Variants in NRG3 observed in about 807,000 individuals in gnomAD.
The protein encoded by NRG3 is neuregulin 3, also known as pro-neuregulin-3, membrane-bound isoform.
NRG3 carries 31 observed loss-of-function variants against 66.9 expected under a neutral mutation model. That is an observed-to-expected ratio of 0.46 (90% CI 0.35 to 0.63). NRG3 has a LOEUF of 0.63. NRG3 is among the 20% of genes least tolerant of loss of function. The probability of loss-of-function intolerance (pLI) is 0.00; values close to 1 mark genes in which losing one functional copy is unlikely to be tolerated. For synonymous variants in NRG3, 393 were observed against 359.4 expected, an observed-to-expected ratio of 1.09 and a Z score of -1.06; for missense variants, 910 against 878.9, an observed-to-expected ratio of 1.04 and a Z score of -0.45.
At chr10:82,838,672 G>A (rs984222436) in intron 3 of NRG3, among the ~76,000 whole-genome samples, 3 of 146,770 alleles carry the variant, frequency 2.0e-5, no homozygotes, top group Non-Finnish European at 4.5e-5. Context: ...TTATGAATAT[G>A]ACTTCATTAA....
chr10:82,730,130 G>A (rs1591338870), intron 2 of NRG3, among the ~76,000 whole-genome samples: 1 of 143,328 alleles, frequency 7.0e-6, no homozygotes, highest in African/African-American at 2.6e-5. Flanking sequence ...CTGTCACCCA[G>A]GCTGGAGCGC....
chr10:82,453,117 G>T lies in NRG3; in HGVS notation c.953+94249G>T, dbSNP rs182757060. 5.0e-4 allele frequency among the ~76,000 whole-genome samples: 76 copies of T among 152,160 alleles called. 1 individual carries two copies. Among genetic ancestry groups the T allele is most frequent in the Non-Finnish European group, 8.2e-4 (56 of 67,988 alleles). ...TGTTTTCTTATATTTTAAATGAAGA[G>T]AACTTAACTACCTTACAGATTATTA... On this transcript the variant is annotated intron_variant, in intron 2 of 8. Coordinates refer to ENST00000372141, the MANE Select transcript of NRG3 (RefSeq NM_001010848.4).
rs143355044 is a variant in NRG3, at chr10:82,810,656, G to A, written c.1028-54755G>A. On this transcript the variant is annotated intron_variant, in intron 3 of 8. Transcript: ENST00000372141. ...TGGGTGCCTGTAATCCCAGCAACTC[G>A]GGAGGCGGAGGCAGGAGAATCACTT... Among the ~76,000 whole-genome samples, 983 of 151,354 alleles carry A rather than the reference G, an allele frequency of 6.5e-3. 7 individuals are homozygous for A. The highest frequency in any genetic ancestry group is 0.022 in the African/African-American group (903 of 41,176).
chr10:82,777,442 C>T (rs1428661891), intron 3 of NRG3, among the ~76,000 whole-genome samples: 2 of 152,118 alleles, frequency 1.3e-5, no homozygotes, highest in Non-Finnish European at 2.9e-5. Flanking sequence ...AGGGCCTGGG[C>T]TCAATGTCTT....
intron 1 of NRG3, among the ~76,000 whole-genome samples, chr10:82,065,773 C>G (rs995411693): frequency 1.3e-5 from 2 of 152,114 alleles, no homozygotes; most frequent in South Asian, 4.1e-4. Context: ...ACAGATTCAT[C>G]CCTAGTTGGA....
chr10:82,198,868 A>G (rs1316348211), intron 1 of NRG3, among the ~76,000 whole-genome samples: 10 of 151,970 alleles, frequency 6.6e-5, no homozygotes, highest in Non-Finnish European at 1.2e-4. Context: ...GTGGTGGCAC[A>G]CATCTGTAAT....
At chr10:82,370,807 G>T (rs1486452823) in intron 2 of NRG3, among the ~76,000 whole-genome samples, 2 of 152,076 alleles carry the variant, frequency 1.3e-5, no homozygotes, top group Non-Finnish European at 2.9e-5. Flanking sequence ...ATAGAAAAAA[G>T]CCAAAGACAG....
chr10:81,950,608 G>A (rs1489323178), intron 1 of NRG3, among the ~76,000 whole-genome samples: 2 of 152,098 alleles, frequency 1.3e-5, no homozygotes, highest in East Asian at 1.9e-4. Context: ...CTCATTGTAC[G>A]GGAAGGTAAA....
chr10:82,348,392 G>A (rs2135472556), intron 1 of NRG3, among the ~76,000 whole-genome samples: 1 of 145,688 alleles, frequency 6.9e-6, no homozygotes, highest in East Asian at 2.1e-4. Context: ...GTTGAATATT[G>A]GCCCCCACTC....
At chr10:82,437,032 T>C (rs1025728799) in intron 2 of NRG3, among the ~76,000 whole-genome samples, 3 of 152,100 alleles carry the variant, frequency 2.0e-5, no homozygotes, top group Non-Finnish European at 4.4e-5. Context: ...GATCTTCTCA[T>C]AGAGTATCTT....
rs375343822 is a variant in NRG3 at position 82,314,574 on chromosome 10, C to T, written c.824-44165C>T. Among the ~76,000 whole-genome samples the T allele has an allele frequency of 4.6e-5, 7 of 152,136 alleles. No homozygotes were observed. The East Asian group carries it at 7.7e-4, about 17-fold the overall frequency. ...CTGTAATCCCAGCACTTTGGGAGGC[C>T]GAGGCAGGTGGATCACGAGGTCAGG... On this transcript the variant is annotated intron_variant, in intron 1 of 8. Coordinates refer to ENST00000372141, the MANE Select transcript of NRG3 (RefSeq NM_001010848.4).
At chr10:82,919,248 G>A (rs1435535458) in intron 4 of NRG3, among the ~76,000 whole-genome samples, 3 of 152,124 alleles carry the variant, frequency 2.0e-5, no homozygotes, top group Non-Finnish European at 4.4e-5. Context: ...ATTTAGCATT[G>A]TACATACGTG....
chr10:82,535,156 T>G (rs1435579287), intron 2 of NRG3, among the ~76,000 whole-genome samples: 1 of 147,772 alleles, frequency 6.8e-6, no homozygotes, highest in East Asian at 2.0e-4. Flanking sequence ...GAGAGAGAGT[T>G]CTGAGAAGGT....
intron 1 of NRG3, among the ~76,000 whole-genome samples, chr10:82,216,107 G>A (rs1177895429): frequency 6.7e-6 from 1 of 149,116 alleles, no homozygotes; most frequent in Non-Finnish European, 1.5e-5. Context: ...AGAGTAGCTA[G>A]GATTACAGGC....
chr10:82,377,427 T>C (rs2085313700), intron 2 of NRG3, among the ~76,000 whole-genome samples: 1 of 118,398 alleles, frequency 8.4e-6, no homozygotes, highest in Non-Finnish European at 1.6e-5. Flanking sequence ...TGTATGTGTG[T>C]GTGTGCGCGT....
chr10:81,972,594 G>T (rs1363632817), intron 1 of NRG3, among the ~76,000 whole-genome samples: 1 of 152,076 alleles, frequency 6.6e-6, no homozygotes, highest in Non-Finnish European at 1.5e-5. Context: ...TTAAAATAAA[G>T]TAATAGAAAC....
intron 4 of NRG3, among the ~76,000 whole-genome samples, chr10:82,913,993 T>C (rs943185957): frequency 2.0e-5 from 3 of 152,204 alleles, no homozygotes; most frequent in African/African-American, 7.2e-5. Flanking sequence ...GTGTGTTTAT[T>C]ATTTTTCTCT....
At chr10:82,348,353 C>G (rs1429877218) in intron 1 of NRG3, among the ~76,000 whole-genome samples, 8 of 146,026 alleles carry the variant, frequency 5.5e-5, no homozygotes, top group Non-Finnish European at 1.1e-4. Flanking sequence ...ATATGAAATT[C>G]TGGGTTGAAA....
chr10:82,047,665 A>T (rs944523556), intron 1 of NRG3, among the ~76,000 whole-genome samples: 1 of 151,896 alleles, frequency 6.6e-6, no homozygotes, highest in Non-Finnish European at 1.5e-5. Flanking sequence ...TGTAAAGACC[A>T]TCGAGACTAG....
Sources: gnomAD v4.1 joint callset for allele counts (sites outside exome capture counted in the v4.1 genomes callset) on GRCh38, gnomAD v4.1.1 for gene constraint, MANE v1.5 for transcripts, NCBI Gene and HGNC (gene_info 2026-07-23, HGNC 2026-07-21) for gene names.